GTPBP4: variants seen among roughly 807,000 people sequenced by gnomAD.
The protein encoded by GTPBP4 is GTP-binding protein 4.
A neutral mutation model predicts 81.7 loss-of-function variants in GTPBP4; 15 were observed. That is an observed-to-expected ratio of 0.18 (90% CI 0.12 to 0.28). GTPBP4 has a LOEUF of 0.28. GTPBP4 is among the 10% of genes least tolerant of loss of function. The probability of loss-of-function intolerance (pLI) is 1.00; values close to 1 mark genes in which losing one functional copy is unlikely to be tolerated. For missense variants in GTPBP4, 847 were observed against 793.8 expected, an observed-to-expected ratio of 1.07 and a Z score of -0.81; for synonymous variants, 272 against 274.6, an observed-to-expected ratio of 0.99 and a Z score of 0.09.
At chr10:1,010,260 G>A (rs1394634336) in intron 12 of GTPBP4, among the ~76,000 whole-genome samples, 160 bp from the exon 13 acceptor site, 1 of 152,136 alleles carries the variant, frequency 6.6e-6, no homozygotes, top group East Asian at 1.9e-4. Context: ...GGTGTTGAAT[G>A]AGGCTGATGT....
intron 12 of GTPBP4, 33 bp downstream of exon 12, chr10:1,009,613 T>C (rs749253535): frequency 8.1e-7 from 1 of 1,232,142 alleles, no homozygotes; most frequent in South Asian, 1.2e-5. Flanking sequence ...TATTATAAAA[T>C]GCCAATTGGA....
chr10:994,227 G>A (rs1002181878), intron 2 of GTPBP4, among the ~76,000 whole-genome samples: 2 of 150,840 alleles, frequency 1.3e-5, no homozygotes, highest in Middle Eastern at 6.3e-3. Context: ...GAGTACCTGG[G>A]GGTGAAGAAA....
Position 1,009,055 on chromosome 10 carries a change from GC to G in GTPBP4, c.1191+23del. On this transcript the variant is annotated intron_variant, in intron 11 of 16. Transcript: ENST00000360803. Reference sequence around the variant, plus strand: ...AAGAGGGTATGCTGCCGAAGCTCTCGCCCAGTGTTCTCATGGGGGGAGGCAG... The same window carrying G: ...AAGAGGGTATGCTGCCGAAGCTCTCGCCAGTGTTCTCATGGGGGGAGGCAG... 6.4e-7 allele frequency: 1 copy of G among 1,571,382 alleles called. No homozygotes were observed. Among genetic ancestry groups the G allele is most frequent in the Non-Finnish European group, 8.8e-7 (1 of 1,141,510 alleles).
rs201735466 is a variant in GTPBP4 at position 990,386 on chromosome 10, GC to G, written c.48+1860del. ...GCATCGGGTACTGTGTTACAAAAATGCATTAGATAAAATACCTGCCTCTTTG... is the reference window on the plus strand; with the variant it reads ...GCATCGGGTACTGTGTTACAAAAATGATTAGATAAAATACCTGCCTCTTTG... On this transcript the variant is annotated intron_variant, in intron 1 of 16. Transcript: ENST00000360803. Among the ~76,000 whole-genome samples the G allele has an allele frequency of 8.0e-3, 1,220 of 152,224 alleles. 18 individuals carry two copies. The highest frequency in any genetic ancestry group is 0.027 in the African/African-American group (1,103 of 41,528).
chr10:1,003,554 G>A (rs956359661), intron 8 of GTPBP4, among the ~76,000 whole-genome samples: 3 of 152,148 alleles, frequency 2.0e-5, no homozygotes, highest in Non-Finnish European at 4.4e-5. Flanking sequence ...TGGCTTTCAT[G>A]GAGAGGTTTT....
chr10:1,019,733 C>T lies in GTPBP4; in HGVS notation c.*2506C>T, dbSNP rs1277627690. ...GATCCGGGTTCAGAGTGACGTTTTT[C>T]CTCACAAGCAGAAGGTAACAAATTT... is the stretch of plus-strand genomic sequence containing the variant. On this transcript the variant is annotated 3_prime_UTR_variant, in exon 17 of 17. Coordinates refer to ENST00000360803, the MANE Select transcript of GTPBP4 (RefSeq NM_012341.3). 2 of 1,613,844 alleles carry T rather than the reference C, an allele frequency of 1.2e-6. No homozygotes were observed. Among genetic ancestry groups the T allele is most frequent in the Non-Finnish European group, 1.7e-6 (2 of 1,180,020 alleles).
At chr10:993,543 G>A (rs1463074791) in intron 2 of GTPBP4, among the ~76,000 whole-genome samples, 1 of 152,062 alleles carries the variant, frequency 6.6e-6, no homozygotes. Context: ...CACCACGCCT[G>A]GCCTGCCTGT....
At position 996,050 on chromosome 10, in the gene GTPBP4, G is replaced by A. The variant is rs940844214; in HGVS notation, c.323+18G>A. Reference sequence around the variant, plus strand: ...GTGGACAAGTAAGGTACTTTTTTCTGTAGTGTCTTTTAAGTTATCGAAAGT... The same window carrying A: ...GTGGACAAGTAAGGTACTTTTTTCTATAGTGTCTTTTAAGTTATCGAAAGT... On this transcript the variant is annotated intron_variant, in intron 3 of 16. Transcript: ENST00000360803. 4 of 1,588,546 alleles carry A rather than the reference G, an allele frequency of 2.5e-6. No homozygotes were observed. The South Asian group carries it at 3.3e-5, about 13-fold the overall frequency.
rs750412519 is a variant in GTPBP4, at chr10:997,244, C to T, written c.497C>T (p.Pro166Leu). The change falls in exon 5 of 17, where the codon CCG (proline) becomes CTG (leucine). Residue 166 changes from proline (P) to leucine (L), a missense_variant. Pro to Leu is a moderately conservative substitution (Grantham distance 98). Coordinates refer to ENST00000360803, the MANE Select transcript of GTPBP4 (RefSeq NM_012341.3). ...QHLSRLPTID[P>L]NTRTLLLCGY... ...TTATCCCGTTTGCCAACCATTGATC[C>T]GAATACCAGGACCCTGCTTTTGTGT... 5.6e-6 allele frequency: 9 copies of T among 1,608,320 alleles called. No individual in the cohort carries two copies. The highest frequency in any genetic ancestry group is 4.5e-5 in the East Asian group (2 of 44,864).
intron 2 of GTPBP4, 25 bp from the exon 3 acceptor site, chr10:995,904 C>A (rs770631557): frequency 7.4e-7 from 1 of 1,359,456 alleles, no homozygotes; most frequent in Non-Finnish European, 1.0e-6. Flanking sequence ...CCCAAGTGAC[C>A]GTGGTGTGCT....
Position 1,019,666 on chromosome 10 carries a change from GCTC to G in GTPBP4, c.*2445_*2447del, listed in dbSNP as rs1832054926. 2 of 1,613,922 alleles carry G rather than the reference GCTC, an allele frequency of 1.2e-6. No individual in the cohort carries two copies. The highest frequency in any genetic ancestry group is 1.7e-6 in the Non-Finnish European group (2 of 1,180,012). ...GCCTCCCTCTCCAGCAGCTCCCACA[GCTC>G]CTCCTGGGACAGGTAGAGGATGCTT... On this transcript the variant is annotated 3_prime_UTR_variant, in exon 17 of 17. Transcript: ENST00000360803.
At chr10:1,012,222 A>G (rs1296045624) in intron 13 of GTPBP4, among the ~76,000 whole-genome samples, 1 of 152,170 alleles carries the variant, frequency 6.6e-6, no homozygotes, top group East Asian at 1.9e-4. Flanking sequence ...TTTTAAAAAA[A>G]GGAAATGGTG....
chr10:1,017,483 C>A lies in GTPBP4; in HGVS notation c.*256C>A. ...TATCAGTTGCTTCAGATTTTCAGAA[C>A]TGGGAAGATTTACTGGTTTAACTAG... On this transcript the variant is annotated 3_prime_UTR_variant, in exon 17 of 17. Transcript: ENST00000360803. 2.9e-6 allele frequency: 1 copy of A among 348,820 alleles called. No individual in the cohort carries two copies. The highest frequency in any genetic ancestry group is 5.1e-6 in the Non-Finnish European group (1 of 194,512). 21.6% of individuals were successfully genotyped at this position (348,820 alleles called of 1,614,324 possible). A position where few individuals can be genotyped will look rare whatever the true frequency, so the allele number is the denominator to read the frequency against.
intron 1 of GTPBP4, among the ~76,000 whole-genome samples, chr10:989,114 C>CTTTT (rs869154759): frequency 2.9e-5 from 3 of 102,074 alleles, no homozygotes; most frequent in African/African-American, 3.9e-5. Flanking sequence ...AGTATTAGGA[C>CTTTT]TTTTTTTTTT....
intron 6 of GTPBP4, among the ~76,000 whole-genome samples, chr10:999,984 A>G (rs958486690): frequency 6.6e-6 from 1 of 152,174 alleles, no homozygotes; most frequent in South Asian, 2.1e-4. Flanking sequence ...AATACAAAGC[A>G]AGAAGCAATG....
At position 1,015,856 on chromosome 10, in the gene GTPBP4, C is replaced by T. The variant is rs372868479; in HGVS notation, c.1712C>T (p.Ser571Phe). 42 of 1,613,700 alleles carry T rather than the reference C, an allele frequency of 2.6e-5. No homozygotes were observed. The South Asian group carries it at 3.5e-4, about 13-fold the overall frequency. ...TCTGTGGCCCGGAGTGGGAGTTGCT[C>T]TCGAACTCCACGTGACGTTTCTGGT... ...PSSVARSGSC[S>F]RTPRDVSGLR... The change falls in exon 16 of 17, where the codon TCT (serine) becomes TTT (phenylalanine). Residue 571 changes from serine (S) to phenylalanine (F), a missense_variant. By Grantham distance (155) the Ser-to-Phe change is radical. Around this residue, in one of 3 missense-constraint regions of GTPBP4, gnomAD observed 600 missense variants for 557.1 expected, o/e 1.08. Coordinates refer to ENST00000360803, the MANE Select transcript of GTPBP4 (RefSeq NM_012341.3).
At chr10:988,606 C>A in intron 1 of GTPBP4, 79 bp downstream of exon 1, 1 of 1,099,310 alleles carries the variant, frequency 9.1e-7, no homozygotes, top group Non-Finnish European at 1.4e-6. Flanking sequence ...GGCCTGTAGC[C>A]GTGGGAGAGC....
chr10:1,011,000 T>TC (rs61351128), intron 13 of GTPBP4, among the ~76,000 whole-genome samples: 13 of 101,634 alleles, frequency 1.3e-4, no homozygotes, highest in East Asian at 3.2e-4. Context: ...TGCACCACCT[T>TC]CCCCCCCACC....
At chr10:1,015,386 G>T (rs1345155550) in intron 15 of GTPBP4, among the ~76,000 whole-genome samples, 7 of 137,782 alleles carry the variant, frequency 5.1e-5, no homozygotes, top group African/African-American at 2.1e-4. Flanking sequence ...TGAGCTCTGA[G>T]CCTGGGAGTG....
Sources: gnomAD v4.1 joint callset for allele counts (sites outside exome capture counted in the v4.1 genomes callset) on GRCh38, gnomAD v4.1.1 for gene constraint, gnomAD v4.1.1 regional missense constraint, MANE v1.5 for transcripts, NCBI Gene and HGNC (gene_info 2026-07-23, HGNC 2026-07-21) for gene names.